Variants in SRGAP2B observed in about 807,000 individuals in gnomAD.
SRGAP2B encodes the protein SLIT-ROBO Rho GTPase-activating protein 2B.
A neutral mutation model predicts 22.2 loss-of-function variants in SRGAP2B; 9 were observed. That is an observed-to-expected ratio of 0.41 (90% CI 0.24 to 0.71). SRGAP2B has a LOEUF of 0.71. Ranked by LOEUF, SRGAP2B falls within the 30% of genes least tolerant of loss-of-function variation. SRGAP2B has a pLI of 0.35. For synonymous variants in SRGAP2B, 36 were observed against 87.4 expected, an observed-to-expected ratio of 0.41 and a Z score of 3.28; for missense variants, 114 against 235.8, an observed-to-expected ratio of 0.48 and a Z score of 3.38.
At chr1:145,001,525 C>CAG (rs587703912) in intron 2 of SRGAP2B, among the ~76,000 whole-genome samples, 4 of 149,908 alleles carry the variant, frequency 2.7e-5, no homozygotes, top group African/African-American at 5.0e-5. Context: ...GCGCACAGAG[C>CAG]AGAGAGAGAG....
At chr1:144,914,289 GATGAAAA>G in intron 5 of SRGAP2B, among the ~76,000 whole-genome samples, 1 of 151,640 alleles carries the variant, frequency 6.6e-6, no homozygotes, top group South Asian at 2.1e-4. Context: ...TCCAAGATCT[GATGAAAA>G]ACCTAGAACA....
At chr1:144,925,739 GAAAGA>G (rs1171670116) in intron 4 of SRGAP2B, among the ~76,000 whole-genome samples, 6 of 101,364 alleles carry the variant, frequency 5.9e-5, no homozygotes, top group Admixed American at 1.0e-4. Flanking sequence ...AAGAAAGAAA[GAAAGA>G]AAGAAAGAAA....
intron 3 of SRGAP2B, among the ~76,000 whole-genome samples, chr1:144,979,815 C>T (rs1360043141): frequency 6.6e-6 from 1 of 151,630 alleles, no homozygotes. Context: ...TGAGGCCTCA[C>T]CAGAAGCAGA....
At chr1:144,985,690 T>C (rs1184291778) in intron 3 of SRGAP2B, among the ~76,000 whole-genome samples, 1 of 150,114 alleles carries the variant, frequency 6.7e-6, no homozygotes, top group Non-Finnish European at 1.5e-5. Flanking sequence ...CCTCGCATAA[T>C]ACTTTACCAC....
intron 4 of SRGAP2B, among the ~76,000 whole-genome samples, chr1:144,954,934 G>A (rs1431024629): frequency 6.7e-6 from 1 of 150,272 alleles, no homozygotes; most frequent in East Asian, 1.9e-4. Flanking sequence ...ACGTATATGA[G>A]TTTGCTAAAT....
intron 3 of SRGAP2B, among the ~76,000 whole-genome samples, chr1:144,964,834 G>A (rs1332081959): frequency 4.6e-5 from 7 of 150,774 alleles, no homozygotes; most frequent in South Asian, 2.1e-4. Flanking sequence ...TGGGAAGATC[G>A]CTTGAGCCCA....
intron 4 of SRGAP2B, among the ~76,000 whole-genome samples, chr1:144,955,035 G>A (rs1667154670): frequency 6.6e-6 from 1 of 150,456 alleles, no homozygotes; most frequent in Admixed American, 6.6e-5. Flanking sequence ...CCAAAACACA[G>A]TTTTTGTTAA....
intron 2 of SRGAP2B, among the ~76,000 whole-genome samples, chr1:145,047,108 G>A (rs1467186867): frequency 2.8e-5 from 4 of 140,540 alleles, no homozygotes; most frequent in Admixed American, 7.1e-5. Context: ...TCCAGGAGGC[G>A]GAGGCTGCAA....
intron 3 of SRGAP2B, among the ~76,000 whole-genome samples, chr1:144,985,259 C>T (rs1389312626): frequency 1.0e-4 from 14 of 135,420 alleles, no homozygotes; most frequent in Non-Finnish European, 2.2e-4. Context: ...AACAAAACCT[C>T]TAAAATAGTC....
At chr1:144,964,706 T>C (rs1570871168) in intron 3 of SRGAP2B, among the ~76,000 whole-genome samples, 1 of 151,170 alleles carries the variant, frequency 6.6e-6, no homozygotes, top group South Asian at 2.1e-4. Context: ...GCCAGGTAAC[T>C]TTGGGCAAGT....
chr1:144,888,880 C>T (rs1319393221), exon 10 of SRGAP2B: 9 of 131,366 alleles, frequency 6.9e-5, no homozygotes, highest in African/African-American at 1.6e-4. Flanking sequence ...TCAGGTGATC[C>T]GCCCGCCTCG....
intron 3 of SRGAP2B, among the ~76,000 whole-genome samples, chr1:144,975,474 C>T (rs1400138869): frequency 6.8e-6 from 1 of 147,702 alleles, no homozygotes; most frequent in Non-Finnish European, 1.5e-5. Flanking sequence ...TCTTGTGGGA[C>T]TGGATTAGTT....
intron 3 of SRGAP2B, among the ~76,000 whole-genome samples, chr1:144,994,567 T>TGTGTGAGAGA (rs72366347): frequency 5.7e-5 from 7 of 122,428 alleles, no homozygotes; most frequent in Non-Finnish European, 8.2e-5. Flanking sequence ...TGTGTGTGTG[T>TGTGTGAGAGA]GAGAGAGAGA....
At position 145,045,241 on chromosome 1, in the gene SRGAP2B, G is replaced by C. The variant is rs587771639; in HGVS notation, c.67+47594C>G. ...GAACCCGGGAGGCGGAGCTTGCAGC[G>C]AGCCGAGATCTAGCCACTGCACTCC... On this transcript the variant is annotated intron_variant, in intron 2 of 9. Coordinates refer to ENST00000612199, the Ensembl canonical transcript of SRGAP2B. Among the ~76,000 whole-genome samples, 70 of 117,354 alleles carry C rather than the reference G, an allele frequency of 6.0e-4. 1 individual carries two copies. Among genetic ancestry groups the C allele is most frequent in the African/African-American group, 2.4e-3 (68 of 28,324 alleles). The allele number at this position is 117,354 out of a possible 152,430, so 77.0% of individuals were successfully genotyped here.
At chr1:144,921,071 C>G (rs1664217273) in intron 4 of SRGAP2B, among the ~76,000 whole-genome samples, 1 of 148,306 alleles carries the variant, frequency 6.7e-6, no homozygotes, top group Non-Finnish European at 1.5e-5. Flanking sequence ...AGTTTACAAC[C>G]TGTTGAGAAA....
intron 4 of SRGAP2B, among the ~76,000 whole-genome samples, chr1:144,926,472 C>G (rs1553346845): frequency 8.2e-6 from 1 of 122,248 alleles, no homozygotes; most frequent in Non-Finnish European, 1.7e-5. Context: ...CTGAAAATAT[C>G]TTTAAACCCA....
chr1:144,942,472 T>G (rs1335857069), intron 4 of SRGAP2B, among the ~76,000 whole-genome samples: 18 of 150,110 alleles, frequency 1.2e-4, no homozygotes, highest in Non-Finnish European at 2.2e-4. Flanking sequence ...CATGCTGGAG[T>G]GCAATGGCAC....
intron 3 of SRGAP2B, among the ~76,000 whole-genome samples, chr1:144,991,043 C>T (rs1325052505): frequency 6.6e-6 from 1 of 150,732 alleles, no homozygotes; most frequent in Admixed American, 6.6e-5. Context: ...GAGCGCACAG[C>T]GCAGGACTGG....
chr1:144,991,036 C>A (rs1242663545), intron 3 of SRGAP2B, among the ~76,000 whole-genome samples: 1 of 150,680 alleles, frequency 6.6e-6, no homozygotes, highest in Non-Finnish European at 1.5e-5. Flanking sequence ...GGAATGCGAG[C>A]GCACAGCGCA....
Sources: gnomAD v4.1 joint callset for allele counts (sites outside exome capture counted in the v4.1 genomes callset) on GRCh38, gnomAD v4.1.1 for gene constraint, MANE v1.5 for transcripts, NCBI Gene and HGNC (gene_info 2026-07-23, HGNC 2026-07-21) for gene names.